Variants in PIGF observed in about 807,000 individuals in gnomAD.
The protein encoded by PIGF is phosphatidylinositol glycan anchor biosynthesis class F.
PIGF carries 23 observed loss-of-function variants against 26.0 expected under a neutral mutation model. The observed-to-expected ratio is 0.88, with a 90% confidence interval of 0.64 to 1.25. PIGF has a LOEUF of 1.25. Among genes scored for constraint, PIGF ranks in the 50% most tolerant of loss-of-function variants. The pLI, the probability that PIGF is intolerant of heterozygous loss-of-function variation, is 0.00. For missense variants in PIGF, 278 were observed against 249.9 expected, an observed-to-expected ratio of 1.11 and a Z score of -0.76; for synonymous variants, 93 against 92.6, an observed-to-expected ratio of 1.00 and a Z score of -0.03.
At chr2:46,610,993 T>C (rs942258825) in intron 4 of PIGF, among the ~76,000 whole-genome samples, 1 of 152,194 alleles carries the variant, frequency 6.6e-6, no homozygotes, top group African/African-American at 2.4e-5. Context: ...ACGAGGTGCC[T>C]TTCTCTTCCT....
intron 4 of PIGF, among the ~76,000 whole-genome samples, chr2:46,610,611 C>T (rs1037138913): frequency 1.4e-5 from 2 of 144,948 alleles, no homozygotes; most frequent in African/African-American, 5.2e-5. Flanking sequence ...CTCACTGCAA[C>T]CTCCGCCTCC....
intron 5 of PIGF, among the ~76,000 whole-genome samples, chr2:46,585,832 G>A (rs1669554617): frequency 6.6e-6 from 1 of 151,846 alleles, no homozygotes; most frequent in Non-Finnish European, 1.5e-5. Context: ...GGAGTGCAGT[G>A]GCACAATCTC....
intron 4 of PIGF, among the ~76,000 whole-genome samples, chr2:46,610,526 CTT>C (rs10690699): frequency 6.3e-5 from 7 of 110,308 alleles, no homozygotes; most frequent in Admixed American, 2.1e-4. Context: ...GTACTGATTC[CTT>C]TTTTTTTTTT....
At position 46,592,501 on chromosome 2, in the gene PIGF, G is replaced by A. The variant is rs1291720061; in HGVS notation, c.520C>T (p.Pro174Ser). ...TGCCATGGTCTTTCCCAATCCAGTG[G>A]AATAGGAAGTGCTCCAAGCCATGCT... The part of the protein sequence containing the change: ...VGAWLGALPI[P>S]LDWERPWQVW... The change falls in exon 5 of 6, where the codon CCA becomes TCA. Residue 174 changes from proline (P) to serine (S), a missense_variant. Physicochemically the swap from Pro to Ser is moderately conservative, Grantham distance 74. Transcript: ENST00000281382. 1.2e-6 allele frequency: 2 copies of A among 1,602,646 alleles called. No individual in the cohort carries two copies. The highest frequency in any genetic ancestry group is 2.2e-5 in the East Asian group (1 of 44,824).
At chr2:46,605,300 T>G (rs1348801142) in intron 4 of PIGF, among the ~76,000 whole-genome samples, 1 of 152,082 alleles carries the variant, frequency 6.6e-6, no homozygotes, top group African/African-American at 2.4e-5. Context: ...TAGTGTATGG[T>G]GGAAACATAA....
intron 4 of PIGF, among the ~76,000 whole-genome samples, chr2:46,606,354 A>G (rs1208686277): frequency 6.6e-6 from 1 of 152,174 alleles, no homozygotes; most frequent in African/African-American, 2.4e-5. Flanking sequence ...AAATGGTAGC[A>G]TCCTGTACAC....
chr2:46,591,806 A>G lies in PIGF; in HGVS notation c.546+669T>C, dbSNP rs1279654986. The G allele has an allele frequency of 2.3e-6, 3 of 1,279,362 alleles. No homozygotes were observed. In the East Asian group the frequency reaches 1.7e-4, roughly 72 times the overall value. The allele number at this position is 1,279,362 out of a possible 1,614,324, so 79.3% of individuals were successfully genotyped here. A position where few individuals can be genotyped will look rare whatever the true frequency, so the allele number is the denominator to read the frequency against. Reference sequence around the variant, plus strand: ...TGGGTATAAAAAGAGCACTTACCTCACAGTGCTTTACCTAGCATATCAGCT... The same window carrying G: ...TGGGTATAAAAAGAGCACTTACCTCGCAGTGCTTTACCTAGCATATCAGCT... On this transcript the variant is annotated intron_variant, in intron 5 of 5. Coordinates refer to ENST00000281382, the MANE Select transcript of PIGF (RefSeq NM_002643.4).
chr2:46,588,008 G>C lies in PIGF; in HGVS notation c.546+4467C>G. The C allele has an allele frequency of 2.2e-6, 3 of 1,357,478 alleles. No individual in the cohort carries two copies. Among genetic ancestry groups the C allele is most frequent in the Non-Finnish European group, 1.9e-6 (2 of 1,028,680 alleles). 84.1% of individuals were successfully genotyped at this position (1,357,478 alleles called of 1,614,324 possible). ...CCTCTTCCCACCTGAGTAATGCTAA[G>C]CAAGATGTGTACTCCTCCCCTCTCA... On this transcript the variant is annotated intron_variant, in intron 5 of 5. Coordinates refer to ENST00000281382, the MANE Select transcript of PIGF (RefSeq NM_002643.4). This position sits in a 1 kb window ranked among gnomAD's most constrained non-coding sequence, Gnocchi z 4.1.
chr2:46,591,614 G>T, intron 5 of PIGF: 1 of 942,800 alleles, frequency 1.1e-6, no homozygotes, highest in Non-Finnish European at 1.3e-6. Context: ...CAAAATACTG[G>T]CAATAATCTA....
intron 4 of PIGF, among the ~76,000 whole-genome samples, chr2:46,597,842 C>A (rs1432500369): frequency 6.6e-6 from 1 of 152,188 alleles, no homozygotes; most frequent in Non-Finnish European, 1.5e-5. Flanking sequence ...TTAGAATGAT[C>A]TCTTTATTGC....
intron 4 of PIGF, among the ~76,000 whole-genome samples, chr2:46,606,322 G>A (rs951996915): frequency 6.6e-6 from 1 of 152,136 alleles, no homozygotes; most frequent in Non-Finnish European, 1.5e-5. Context: ...GTGTATCTGT[G>A]CCCTCTGACA....
At chr2:46,591,577 A>T (rs569399469) in intron 5 of PIGF, 1 of 945,368 alleles carries the variant, frequency 1.1e-6, no homozygotes, top group South Asian at 4.9e-5. Flanking sequence ...AGATTCAAAG[A>T]TTTTATCACA....
intron 4 of PIGF, among the ~76,000 whole-genome samples, chr2:46,607,198 C>G (rs554856541): frequency 6.6e-6 from 1 of 152,326 alleles, no homozygotes; most frequent in South Asian, 2.1e-4. Context: ...TACTACGTGT[C>G]ATGAGCCACA....
Position 46,588,461 on chromosome 2 carries a change from A to C in PIGF, c.546+4014T>G. 1 of 281,382 alleles carries C rather than the reference A, an allele frequency of 3.6e-6. No individual in the cohort carries two copies. Among genetic ancestry groups the C allele is most frequent in the African/African-American group, 2.3e-5 (1 of 44,220 alleles). The allele number at this position is 281,382 out of a possible 1,614,324, so 17.4% of individuals were successfully genotyped here. On this transcript the variant is annotated intron_variant, in intron 5 of 5. Coordinates refer to ENST00000281382, the MANE Select transcript of PIGF (RefSeq NM_002643.4). The surrounding 1 kb of genome is among the most constrained non-coding windows in gnomAD (Gnocchi z 4.1). ...CTGTAACATTAATTAAGTAATAACCATGTGTCAGGTGCTGAGCTAGGTATT... is the reference window on the plus strand; with the variant it reads ...CTGTAACATTAATTAAGTAATAACCCTGTGTCAGGTGCTGAGCTAGGTATT...
At chr2:46,592,643 A>G in intron 4 of PIGF, 60 bp from the exon 5 acceptor site, 1 of 812,002 alleles carries the variant, frequency 1.2e-6, no homozygotes, top group South Asian at 1.4e-5. Flanking sequence ...GGAGAATCCA[A>G]CAAGCACTAG....
At position 46,588,319 on chromosome 2, in the gene PIGF, A is replaced by C; in HGVS notation, c.546+4156T>G. The C allele has an allele frequency of 4.6e-6, 5 of 1,080,414 alleles. No homozygotes were observed. The highest frequency in any genetic ancestry group is 5.2e-6 in the Non-Finnish European group (4 of 776,324). 66.9% of individuals were successfully genotyped at this position (1,080,414 alleles called of 1,614,324 possible). A position where few individuals can be genotyped will look rare whatever the true frequency, so the allele number is the denominator to read the frequency against. ...CTGGGCAGAAAAAATAAAACAACAAACTGAGACAATTAACATATTCTCTAA... is the reference window on the plus strand; with the variant it reads ...CTGGGCAGAAAAAATAAAACAACAACCTGAGACAATTAACATATTCTCTAA... On this transcript the variant is annotated intron_variant, in intron 5 of 5. Coordinates refer to ENST00000281382, the MANE Select transcript of PIGF (RefSeq NM_002643.4). This position sits in a 1 kb window ranked among gnomAD's most constrained non-coding sequence, Gnocchi z 4.1.
chr2:46,612,087 G>A, intron 4 of PIGF, 141 bp downstream of exon 4: 2 of 359,046 alleles, frequency 5.6e-6, no homozygotes, highest in Admixed American at 4.7e-5. Context: ...GTCCCTAATT[G>A]CAGTGACCCC....
chr2:46,609,905 C>A (rs1377707349), intron 4 of PIGF, among the ~76,000 whole-genome samples: 1 of 152,112 alleles, frequency 6.6e-6, no homozygotes, highest in Non-Finnish European at 1.5e-5. Flanking sequence ...GTGAGAGTTT[C>A]CAATGAAGAG....
At chr2:46,596,954 A>G (rs542084649) in intron 4 of PIGF, among the ~76,000 whole-genome samples, 1 of 152,324 alleles carries the variant, frequency 6.6e-6, no homozygotes, top group South Asian at 2.1e-4. Context: ...TTGTCCATGG[A>G]TGTTAAGAAC....
Sources: allele counts gnomAD v4.1 joint callset (sites outside exome capture counted in the v4.1 genomes callset), GRCh38; gene constraint gnomAD v4.1.1; non-coding constraint Gnocchi (gnomAD v3.1); transcripts MANE v1.5; gene names NCBI Gene and HGNC (gene_info 2026-07-23, HGNC 2026-07-21).